The following TCF12 variants were observed in gnomAD, a reference collection of about 807,000 sequenced individuals.
TCF12 encodes the protein DNA-binding protein HTF4.
A neutral mutation model predicts 86.0 loss-of-function variants in TCF12; 45 were observed. The observed-to-expected ratio is 0.52, with a 90% CI of 0.41 to 0.67. The LOEUF (loss-of-function observed/expected upper bound fraction) is 0.67, where lower values mean the gene tolerates loss of function less well. TCF12 is among the 30% of genes least tolerant of loss of function. The pLI is 0.00. For missense variants in TCF12, 881 were observed against 859.9 expected (o/e 1.02, Z -0.31); for synonymous variants, 330 against 299.6 (o/e 1.10, Z -1.05).
At chr15:57,065,496 C>A (rs1790917128) in intron 4 of TCF12, among the ~76,000 whole-genome samples, 2 of 152,058 alleles carry the variant, frequency 1.3e-5, no homozygotes, top group African/African-American at 4.8e-5. Context: ...CACAGTACTA[C>A]TTATTAATAT....
At chr15:56,955,954 T>A (rs1489950921) in intron 3 of TCF12, among the ~76,000 whole-genome samples, 2 of 152,200 alleles carry the variant, frequency 1.3e-5, no homozygotes, top group Non-Finnish European at 2.9e-5. Flanking sequence ...ATATGTACTC[T>A]TCATCAGGTG....
At chr15:57,139,030 A>G (rs1376815494) in intron 5 of TCF12, among the ~76,000 whole-genome samples, 10 of 152,324 alleles carry the variant, frequency 6.6e-5, no homozygotes, top group African/African-American at 2.4e-4. Context: ...TCCCAGTTCC[A>G]GAAAGGACCT....
rs116691584 is a variant in TCF12 at position 57,048,714 on chromosome 15, G to C, written c.149-15036G>C. On this transcript the variant is annotated intron_variant, in intron 3 of 20. Coordinates refer to ENST00000333725, the MANE Select transcript of TCF12 (RefSeq NM_207037.2). ...ATTTTAATGAACATAATTTGCTGCT[G>C]TTTGTTTGATTTCTGTATGTACCCA... Among the ~76,000 whole-genome samples, 618 of 152,016 alleles carry C rather than the reference G, an allele frequency of 4.1e-3. 4 individuals are homozygous for C. The highest frequency in any genetic ancestry group is 0.014 in the African/African-American group (601 of 41,462).
intron 5 of TCF12, among the ~76,000 whole-genome samples, chr15:57,157,643 A>G (rs1490519241): frequency 1.3e-5 from 2 of 150,932 alleles, no homozygotes; most frequent in African/African-American, 4.9e-5. Flanking sequence ...GCTCACTGCA[A>G]CCTCCACCTT....
intron 7 of TCF12, among the ~76,000 whole-genome samples, chr15:57,197,055 A>G (rs1292546211): frequency 4.6e-5 from 7 of 152,034 alleles, no homozygotes; most frequent in Admixed American, 4.6e-4. Flanking sequence ...TGACTCTGCT[A>G]AAGGAGTCAT....
At chr15:57,025,225 G>T (rs369982669) in intron 3 of TCF12, among the ~76,000 whole-genome samples, 1 of 151,956 alleles carries the variant, frequency 6.6e-6, no homozygotes, top group Non-Finnish European at 1.5e-5. Flanking sequence ...GACTACAGGC[G>T]CCTGCTACCA....
intron 5 of TCF12, among the ~76,000 whole-genome samples, chr15:57,105,859 A>G (rs1490768443): frequency 2.0e-5 from 3 of 152,336 alleles, no homozygotes; most frequent in Non-Finnish European, 2.9e-5. Context: ...GCCACCTCAT[A>G]AACTGTAAAG....
intron 12 of TCF12, among the ~76,000 whole-genome samples, chr15:57,241,159 T>A (rs2059609426): frequency 1.3e-5 from 2 of 151,994 alleles, no homozygotes. Flanking sequence ...AGTGGCTCGA[T>A]CTCGGCTCAC....
intron 3 of TCF12, among the ~76,000 whole-genome samples, chr15:56,957,543 A>G (rs1351921518): frequency 6.6e-6 from 1 of 151,918 alleles, no homozygotes; most frequent in African/African-American, 2.4e-5. Context: ...TATGGTTTTC[A>G]CCTTTGCAAG....
At chr15:56,948,121 C>CT (rs112135157) in intron 3 of TCF12, among the ~76,000 whole-genome samples, 2,192 of 146,706 alleles carry the variant, frequency 0.015, 57 homozygotes, top group African/African-American at 0.051. Context: ...ACAAAAATAC[C>CT]TTTTTTTTTT....
intron 16 of TCF12, among the ~76,000 whole-genome samples, chr15:57,259,645 T>G (rs561987139): frequency 2.0e-5 from 3 of 152,316 alleles, no homozygotes; most frequent in Non-Finnish European, 2.9e-5. Context: ...ATGGAGCTCT[T>G]CATAATCATT....
rs1215562165 is a variant in TCF12 at position 57,252,414 on chromosome 15, T to C, written c.1189-7T>C. 1.2e-6 allele frequency: 2 copies of C among 1,613,544 alleles called. No individual in the cohort carries two copies. The highest frequency in any genetic ancestry group is 1.7e-6 in the Non-Finnish European group (2 of 1,179,566). On this transcript the variant is annotated splice_region_variant and splice_polypyrimidine_tract_variant and intron_variant, in intron 14 of 20. Coordinates refer to ENST00000333725, the MANE Select transcript of TCF12 (RefSeq NM_207037.2). ...CTTTGCCTCCTGTTCTGTCTTGACT[T>C]TGCCAGAAAAATCGAGTTGAGCAGC...
At chr15:57,173,250 A>G (rs2055656822) in intron 6 of TCF12, among the ~76,000 whole-genome samples, 2 of 152,240 alleles carry the variant, frequency 1.3e-5, no homozygotes. Context: ...GTGTTGGTGC[A>G]TCTAAACCAG....
intron 6 of TCF12, among the ~76,000 whole-genome samples, chr15:57,176,111 T>C (rs1225928794): frequency 2.6e-5 from 4 of 152,148 alleles, no homozygotes; most frequent in Non-Finnish European, 4.4e-5. Flanking sequence ...GGCAGGAGGA[T>C]TGTTTGAGCC....
At chr15:57,129,152 A>G (rs1460148907) in intron 5 of TCF12, among the ~76,000 whole-genome samples, 2 of 152,216 alleles carry the variant, frequency 1.3e-5, no homozygotes, top group African/African-American at 2.4e-5. Flanking sequence ...CCCATCAGCA[A>G]CTTATGAAGG....
At chr15:57,245,099 C>CA (rs1463347901) in intron 13 of TCF12, among the ~76,000 whole-genome samples, 2 of 152,212 alleles carry the variant, frequency 1.3e-5, no homozygotes, top group Admixed American at 1.3e-4. Context: ...CCTAATCAAG[C>CA]CATTAGTTAA....
intron 11 of TCF12, 89 bp downstream of exon 11, chr15:57,232,945 A>G: frequency 1.1e-6 from 1 of 870,214 alleles, no homozygotes; most frequent in Middle Eastern, 3.2e-4. Context: ...TATGTTTTAT[A>G]TATATAAATG....
At chr15:56,955,814 A>G (rs374444796) in intron 3 of TCF12, among the ~76,000 whole-genome samples, 3 of 152,160 alleles carry the variant, frequency 2.0e-5, no homozygotes, top group Admixed American at 6.5e-5. Context: ...AGATCTATCA[A>G]TTATTGAAAG....
chr15:57,284,352 C>T lies in TCF12; in HGVS notation c.*11+1754C>T, dbSNP rs187670605. 5.1e-3 allele frequency among the ~76,000 whole-genome samples: 776 copies of T among 152,114 alleles called. 2 individuals are homozygous for T. Among genetic ancestry groups the T allele is most frequent in the Middle Eastern group, 0.027 (8 of 294 alleles). On this transcript the variant is annotated intron_variant, in intron 20 of 20. Transcript: ENST00000333725. ...CCTCCTGAGTAGCTGGGATTACAGA[C>T]ATACACCACCACGCCCAGCTAATTT...
Sources: gnomAD v4.1 joint callset for allele counts (sites outside exome capture counted in the v4.1 genomes callset) on GRCh38, gnomAD v4.1.1 for gene constraint, MANE v1.5 for transcripts, NCBI Gene and HGNC (gene_info 2026-07-23, HGNC 2026-07-21) for gene names.